The following MYO1E variants were observed in gnomAD, a reference collection of about 807,000 sequenced individuals.
MYO1E encodes the protein unconventional myosin-Ie.
Under a neutral mutation model 151.1 loss-of-function variants are expected in MYO1E, and 68 were observed. That is an observed-to-expected ratio of 0.45 (90% CI 0.37 to 0.55). The LOEUF (loss-of-function observed/expected upper bound fraction) is 0.55, where lower values mean the gene tolerates loss of function less well. Ranked by LOEUF, MYO1E falls within the 20% of genes least tolerant of loss-of-function variation. MYO1E has a pLI of 0.00. For missense variants in MYO1E, 1,363 were observed against 1,389.3 expected (o/e 0.98, Z 0.30); for synonymous variants, 601 against 501.7 (o/e 1.20, Z -2.64).
intron 26 of MYO1E, among the ~76,000 whole-genome samples, chr15:59,151,674 A>G (rs2079479785): frequency 6.6e-6 from 1 of 152,182 alleles, no homozygotes; most frequent in Non-Finnish European, 1.5e-5. Context: ...GCACTTTGGG[A>G]GGCCAAGGCG....
intron 18 of MYO1E, among the ~76,000 whole-genome samples, chr15:59,178,893 T>C (rs1468281035): frequency 2.0e-5 from 3 of 152,172 alleles, no homozygotes; most frequent in Non-Finnish European, 2.9e-5. Context: ...AATAATCATC[T>C]CCCCTGACTT....
At chr15:59,173,601 G>GT (rs1409395993) in intron 21 of MYO1E, 145 bp downstream of exon 21, 22 of 908,090 alleles carry the variant, frequency 2.4e-5, no homozygotes, top group Non-Finnish European at 3.9e-5. Flanking sequence ...ATAGGTGCCT[G>GT]TTTATCTTTT....
chr15:59,264,646 G>A (rs1319914439), intron 2 of MYO1E, among the ~76,000 whole-genome samples: 1 of 152,186 alleles, frequency 6.6e-6, no homozygotes, highest in Non-Finnish European at 1.5e-5. Context: ...TAGATTCTCT[G>A]ATGCTTTGCA....
At chr15:59,296,997 G>C (rs1231503395) in intron 1 of MYO1E, among the ~76,000 whole-genome samples, 1 of 47,376 alleles carries the variant, frequency 2.1e-5, no homozygotes, top group African/African-American at 4.8e-5. Flanking sequence ...CCGCTACCAC[G>C]CCCGGCTAAT....
At chr15:59,356,626 A>C (rs1415702998) in intron 1 of MYO1E, among the ~76,000 whole-genome samples, 1 of 152,162 alleles carries the variant, frequency 6.6e-6, no homozygotes, top group Non-Finnish European at 1.5e-5. Flanking sequence ...TTCCTGAAAC[A>C]GGGTCTCTCT....
chr15:59,231,117 G>T (rs2080024964), intron 6 of MYO1E, among the ~76,000 whole-genome samples: 1 of 152,188 alleles, frequency 6.6e-6, no homozygotes, highest in Admixed American at 6.5e-5. Flanking sequence ...CAGTTAAGAG[G>T]CAACCTGTGA....
chr15:59,243,099 C>CCT (rs10660446), intron 4 of MYO1E, among the ~76,000 whole-genome samples: 1 of 133,456 alleles, frequency 7.5e-6, no homozygotes, highest in Non-Finnish European at 1.6e-5. Flanking sequence ...TTAGACCCTG[C>CCT]TTTTTTTTTT....
chr15:59,210,790 A>G (rs1175124566), intron 12 of MYO1E, among the ~76,000 whole-genome samples, 190 bp from the exon 13 acceptor site: 1 of 152,218 alleles, frequency 6.6e-6, no homozygotes. Context: ...GGTGATTTTT[A>G]TGTTTAGTTT....
intron 14 of MYO1E, among the ~76,000 whole-genome samples, chr15:59,206,106 C>T (rs1433827606): frequency 1.3e-5 from 2 of 151,994 alleles, no homozygotes; most frequent in Non-Finnish European, 2.9e-5. Flanking sequence ...ATCAGCAGCC[C>T]CACACAGCCT....
intron 1 of MYO1E, among the ~76,000 whole-genome samples, chr15:59,322,342 T>C (rs990748791): frequency 6.6e-6 from 1 of 152,192 alleles, no homozygotes; most frequent in Non-Finnish European, 1.5e-5. Flanking sequence ...GTGTTTTGTG[T>C]CACCTTTTCA....
At chr15:59,153,289 C>G (rs1408050677) in intron 26 of MYO1E, among the ~76,000 whole-genome samples, 3 of 152,208 alleles carry the variant, frequency 2.0e-5, no homozygotes, top group Non-Finnish European at 4.4e-5. Context: ...CTCAACCATG[C>G]AAGAAAGCAC....
intron 6 of MYO1E, among the ~76,000 whole-genome samples, chr15:59,229,548 T>C (rs2080013030): frequency 6.6e-6 from 1 of 152,240 alleles, no homozygotes; most frequent in South Asian, 2.1e-4. Context: ...CATTTGCATT[T>C]TGATAATGAA....
intron 4 of MYO1E, among the ~76,000 whole-genome samples, chr15:59,246,996 G>A (rs2080134229): frequency 6.6e-6 from 1 of 152,154 alleles, no homozygotes; most frequent in African/African-American, 2.4e-5. Context: ...AAGCACCTGA[G>A]TCCAGCCTGG....
intron 26 of MYO1E, among the ~76,000 whole-genome samples, chr15:59,142,833 C>T (rs1048878586): frequency 6.8e-6 from 1 of 147,376 alleles, no homozygotes; most frequent in Non-Finnish European, 1.5e-5. Flanking sequence ...ATGATTTCCC[C>T]ATAAGATCAG....
At position 59,339,627 on chromosome 15, in the gene MYO1E, T is replaced by C. The variant is rs75987255; in HGVS notation, c.3+32871A>G. ...CTGTGTTTCTCTCCTAATAGGGTTG[T>C]TCAGTCACCCAGTTTCCTTCTCGTT... On this transcript the variant is annotated intron_variant, in intron 1 of 27. Transcript: ENST00000288235. 6.2e-3 allele frequency among the ~76,000 whole-genome samples: 944 copies of C among 152,266 alleles called. 7 individuals carry two copies. The highest frequency in any genetic ancestry group is 0.022 in the African/African-American group (912 of 41,548).
intron 21 of MYO1E, among the ~76,000 whole-genome samples, chr15:59,173,045 T>C (rs1331683251): frequency 1.3e-5 from 2 of 152,348 alleles, no homozygotes; most frequent in Admixed American, 1.3e-4. Context: ...CTTCAGATTT[T>C]TCTATTAGGA....
At chr15:59,233,579 G>A (rs1027689948) in intron 5 of MYO1E, among the ~76,000 whole-genome samples, 1 of 145,522 alleles carries the variant, frequency 6.9e-6, no homozygotes, top group East Asian at 2.0e-4. Flanking sequence ...CAGGAGAATC[G>A]CTTGAACCCA....
At chr15:59,330,076 A>T (rs1198033086) in intron 1 of MYO1E, among the ~76,000 whole-genome samples, 1 of 152,194 alleles carries the variant, frequency 6.6e-6, no homozygotes, top group African/African-American at 2.4e-5. Flanking sequence ...TTTATTCTGC[A>T]TGTGGATTTC....
chr15:59,310,605 G>A (rs1363373234), intron 1 of MYO1E, among the ~76,000 whole-genome samples: 1 of 152,122 alleles, frequency 6.6e-6, no homozygotes, highest in Non-Finnish European at 1.5e-5. Flanking sequence ...GAAGGAGCGT[G>A]GTCCTGATGC....
Sources: allele counts gnomAD v4.1 joint callset (sites outside exome capture counted in the v4.1 genomes callset), GRCh38; gene constraint gnomAD v4.1.1; transcripts MANE v1.5; gene names NCBI Gene and HGNC (gene_info 2026-07-23, HGNC 2026-07-21).